Variants in RANBP3L observed in about 807,000 individuals in gnomAD.
RANBP3L encodes RAN binding protein 3 like.
A neutral mutation model predicts 67.2 loss-of-function variants in RANBP3L; 56 were observed. That is an observed-to-expected ratio of 0.83 (90% CI 0.67 to 1.04). The LOEUF is 1.04. RANBP3L is among the 50% of genes least tolerant of loss of function. RANBP3L has a pLI of 0.00. For synonymous variants in RANBP3L, 164 were observed against 181.4 expected, an observed-to-expected ratio of 0.90 and a Z score of 0.77; for missense variants, 496 against 535.5, an observed-to-expected ratio of 0.93 and a Z score of 0.73.
chr5:36,252,308 A>G (rs1258905217), intron 12 of RANBP3L, among the ~76,000 whole-genome samples: 1 of 152,084 alleles, frequency 6.6e-6, no homozygotes, highest in Admixed American at 6.6e-5. Flanking sequence ...ATTATGGTCC[A>G]TAATAGAATA....
At chr5:36,269,538 G>A (rs1750064392) in intron 3 of RANBP3L, 71 bp from the exon 4 acceptor site, 2 of 899,328 alleles carry the variant, frequency 2.2e-6, no homozygotes, top group Admixed American at 1.9e-5. Flanking sequence ...TGATAGGGTA[G>A]GATAAACAGA....
At position 36,262,070 on chromosome 5, in the gene RANBP3L, T is replaced by C. The variant is rs188944106; in HGVS notation, c.481-28A>G. Reference sequence around the variant, plus strand: ...GAAAGTAAAGAAATCCATCAAAAAGTTTATAAAGACTACCTTACTATAGGA... The same window carrying C: ...GAAAGTAAAGAAATCCATCAAAAAGCTTATAAAGACTACCTTACTATAGGA... On this transcript the variant is annotated intron_variant, in intron 6 of 13. Transcript: ENST00000296604. 3.2e-5 allele frequency: 37 copies of C among 1,162,820 alleles called. No homozygotes were observed. The African/African-American group carries it at 4.9e-4, about 15-fold the overall frequency. 72.0% of individuals were successfully genotyped at this position (1,162,820 alleles called of 1,614,324 possible). A position where few individuals can be genotyped will look rare whatever the true frequency, so the allele number is the denominator to read the frequency against.
intron 1 of RANBP3L, among the ~76,000 whole-genome samples, chr5:36,293,705 A>C (rs1294679781): frequency 6.8e-6 from 1 of 148,010 alleles, no homozygotes; most frequent in African/African-American, 2.5e-5. Context: ...GATTACATTT[A>C]TTGATTTGCA....
At chr5:36,269,883 A>G (rs1294011638) in intron 3 of RANBP3L, 68 bp downstream of exon 3, 3 of 1,318,890 alleles carry the variant, frequency 2.3e-6, no homozygotes, top group Non-Finnish European at 3.3e-6. Context: ...CCACATGCCA[A>G]AATACTTGTG....
chr5:36,251,827 T>C (rs531143022), intron 12 of RANBP3L, among the ~76,000 whole-genome samples: 1 of 152,094 alleles, frequency 6.6e-6, no homozygotes, highest in Non-Finnish European at 1.5e-5. Flanking sequence ...TAGAAAATTG[T>C]AGGATTGCAG....
intron 1 of RANBP3L, among the ~76,000 whole-genome samples, chr5:36,287,168 C>G (rs1179402568): frequency 1.3e-5 from 2 of 152,150 alleles, no homozygotes; most frequent in Admixed American, 6.6e-5. Flanking sequence ...AGGGTTCACG[C>G]TCCAGTGAGA....
chr5:36,297,447 G>A (rs1118441), intron 1 of RANBP3L, among the ~76,000 whole-genome samples: 115,823 of 143,650 alleles, frequency 0.81, 50,045 homozygotes, highest in Non-Finnish European at 0.98. Flanking sequence ...ACACACACAC[G>A]CACACACACA....
At chr5:36,264,240 A>G (rs1749596020) in intron 6 of RANBP3L, among the ~76,000 whole-genome samples, 1 of 152,360 alleles carries the variant, frequency 6.6e-6, no homozygotes, top group African/African-American at 2.4e-5. Flanking sequence ...ACCAATCCTC[A>G]GTAGTTCAGC....
chr5:36,286,383 C>T (rs547557207), intron 1 of RANBP3L, among the ~76,000 whole-genome samples: 1 of 152,282 alleles, frequency 6.6e-6, no homozygotes, highest in Middle Eastern at 3.4e-3. Context: ...CATGTAACTG[C>T]TCTTTCCTCT....
At chr5:36,258,713 A>C (rs1406441183) in intron 8 of RANBP3L, among the ~76,000 whole-genome samples, 1 of 152,236 alleles carries the variant, frequency 6.6e-6, no homozygotes, top group Admixed American at 6.5e-5. Context: ...CAAAACCCGT[A>C]GTCCTGACTA....
At chr5:36,264,718 C>T (rs968150029) in intron 6 of RANBP3L, among the ~76,000 whole-genome samples, 2 of 152,128 alleles carry the variant, frequency 1.3e-5, no homozygotes, top group Non-Finnish European at 2.9e-5. Flanking sequence ...GCACAAGACC[C>T]CCAGATTTCC....
chr5:36,271,285 A>G lies in RANBP3L; in HGVS notation c.118T>C (p.Phe40Leu). ...QEKSVIAQPI[F>L]VFEKGEQTFK... Reference sequence around the variant, plus strand: ...GTTTGTTCTCCCTTTTCAAAAACAAATATGGGTTGAGCAATGACAGATTTT... The same window carrying G: ...GTTTGTTCTCCCTTTTCAAAAACAAGTATGGGTTGAGCAATGACAGATTTT... Residue 40 changes from phenylalanine to leucine, a missense_variant, in exon 2 of 14, where the codon TTT becomes CTT. Transcript: ENST00000296604. 1 of 1,590,676 alleles carries G rather than the reference A, an allele frequency of 6.3e-7. No homozygotes were observed. Among genetic ancestry groups the G allele is most frequent in the Non-Finnish European group, 8.6e-7 (1 of 1,159,510 alleles).
intron 1 of RANBP3L, among the ~76,000 whole-genome samples, chr5:36,293,725 C>A: frequency 6.7e-6 from 1 of 148,800 alleles, no homozygotes; most frequent in Non-Finnish European, 1.5e-5. Flanking sequence ...ATATATTGAA[C>A]CAGCCTTGCA....
chr5:36,276,402 C>G (rs1239133445), intron 1 of RANBP3L, among the ~76,000 whole-genome samples: 3 of 152,156 alleles, frequency 2.0e-5, no homozygotes, highest in Admixed American at 1.3e-4. Context: ...CATAAAATTA[C>G]AGTATATTGT....
chr5:36,285,595 A>G (rs1007191800), intron 1 of RANBP3L, among the ~76,000 whole-genome samples: 6 of 152,208 alleles, frequency 3.9e-5, no homozygotes, highest in African/African-American at 1.4e-4. Context: ...CACAGTTGTA[A>G]TTGACTTTAG....
intron 1 of RANBP3L, among the ~76,000 whole-genome samples, chr5:36,299,337 G>A (rs1752458425): frequency 7.8e-6 from 1 of 128,854 alleles, no homozygotes; most frequent in Non-Finnish European, 1.6e-5. Context: ...ATACATATAT[G>A]TGTGTGTGTG....
chr5:36,300,269 G>T (rs373440251), intron 1 of RANBP3L, among the ~76,000 whole-genome samples: 12 of 152,312 alleles, frequency 7.9e-5, no homozygotes, highest in African/African-American at 2.9e-4. Context: ...GTAAAGCATG[G>T]TCTAAAAGTT....
rs1189178661 is a variant in RANBP3L at position 36,248,384 on chromosome 5, A to T, written c.*1270T>A. On this transcript the variant is annotated 3_prime_UTR_variant, in exon 14 of 14. Coordinates refer to ENST00000296604, the MANE Select transcript of RANBP3L (RefSeq NM_145000.5). ...GAACAATTGTCATAATCATAATCTG[A>T]AAGACTTAATTTAAATTTCATATGC... 1 of 152,174 alleles carries T rather than the reference A, an allele frequency of 6.6e-6. No homozygotes were observed. The highest frequency in any genetic ancestry group is 2.4e-5 in the African/African-American group (1 of 41,450). The allele number at this position is 152,174 out of a possible 1,614,324, so 9.4% of individuals were successfully genotyped here. A position where few individuals can be genotyped will look rare whatever the true frequency, so the allele number is the denominator to read the frequency against.
At chr5:36,265,675 G>A (rs1343692897) in intron 4 of RANBP3L, among the ~76,000 whole-genome samples, 155 bp from the exon 5 acceptor site, 2 of 152,098 alleles carry the variant, frequency 1.3e-5, no homozygotes, top group African/African-American at 2.4e-5. Flanking sequence ...CTGGCTCTGC[G>A]AAAAATGGGA....
Sources: gnomAD v4.1 joint callset for allele counts (sites outside exome capture counted in the v4.1 genomes callset) on GRCh38, gnomAD v4.1.1 for gene constraint, MANE v1.5 for transcripts, NCBI Gene and HGNC (gene_info 2026-07-23, HGNC 2026-07-21) for gene names.